CACNA2D1: variants seen among roughly 807,000 people sequenced by gnomAD.
CACNA2D1 encodes the protein voltage-dependent calcium channel subunit alpha-2/delta-1.
CACNA2D1 carries 53 observed loss-of-function variants against 171.5 expected under a neutral mutation model. That is an observed-to-expected ratio of 0.31 (90% CI 0.25 to 0.39). CACNA2D1 has a LOEUF of 0.39. Ranked by LOEUF, CACNA2D1 falls within the 10% of genes least tolerant of loss-of-function variation. The probability of loss-of-function intolerance (pLI) is 1.00; values close to 1 mark genes in which losing one functional copy is unlikely to be tolerated. For missense variants in CACNA2D1, 903 were observed against 1,299.8 expected, an observed-to-expected ratio of 0.69 and a Z score of 4.69; for synonymous variants, 442 against 443.1, an observed-to-expected ratio of 1.00 and a Z score of 0.03.
intron 1 of CACNA2D1, 133 bp from the exon 2 acceptor site, chr7:82,349,782 C>A: frequency 2.7e-6 from 2 of 744,312 alleles, no homozygotes; most frequent in Non-Finnish European, 4.7e-6. Context: ...CTAGCACCGA[C>A]TATGTCCACC....
chr7:82,267,647 C>T (rs919791366), intron 3 of CACNA2D1, among the ~76,000 whole-genome samples: 2 of 152,108 alleles, frequency 1.3e-5, no homozygotes, highest in Non-Finnish European at 2.9e-5. Context: ...TTTACAACAG[C>T]AAACATGATT....
At chr7:82,193,716 AG>A (rs1458721600) in intron 3 of CACNA2D1, among the ~76,000 whole-genome samples, 3 of 152,018 alleles carry the variant, frequency 2.0e-5, no homozygotes, top group Non-Finnish European at 4.4e-5. Flanking sequence ...AGCGAAATTC[AG>A]TATTTGAAGA....
chr7:82,186,976 T>C (rs1034309964), intron 3 of CACNA2D1, among the ~76,000 whole-genome samples: 1 of 152,166 alleles, frequency 6.6e-6, no homozygotes. Context: ...ACCATAAGAC[T>C]CATTAGTATT....
chr7:82,060,213 T>C (rs1361777777), intron 10 of CACNA2D1, among the ~76,000 whole-genome samples: 1 of 37,564 alleles, frequency 2.7e-5, no homozygotes, highest in Non-Finnish European at 6.2e-5. Flanking sequence ...ATATATATAA[T>C]ATATATATAA....
chr7:82,288,947 A>G (rs1470215884), intron 3 of CACNA2D1, among the ~76,000 whole-genome samples: 3 of 152,168 alleles, frequency 2.0e-5, no homozygotes, highest in Non-Finnish European at 2.9e-5. Flanking sequence ...GCTGTAATGA[A>G]CGCAGCCCAT....
intron 1 of CACNA2D1, among the ~76,000 whole-genome samples, chr7:82,419,109 CA>C (rs370697144): frequency 0.018 from 1,760 of 98,060 alleles, 13 homozygotes; most frequent in African/African-American, 0.049. Context: ...GACTCCATCT[CA>C]AAAAAAAAAA....
At chr7:82,347,476 T>C (rs745712803) in intron 2 of CACNA2D1, among the ~76,000 whole-genome samples, 10 of 152,148 alleles carry the variant, frequency 6.6e-5, no homozygotes, top group Non-Finnish European at 1.3e-4. Flanking sequence ...ATTTCTACAA[T>C]AATAAATTTC....
rs5885264 is a variant in CACNA2D1, at chr7:82,035,345, C to CAA, written c.1039-2446_1039-2445dup. 1.6e-3 allele frequency among the ~76,000 whole-genome samples: 232 copies of CAA among 146,290 alleles called. 1 individual carries two copies. Among genetic ancestry groups the CAA allele is most frequent in the Admixed American group, 2.4e-3 (35 of 14,682 alleles). On this transcript the variant is annotated intron_variant, in intron 11 of 38. Transcript: ENST00000356860. The stretch of plus-strand genomic sequence containing the variant: ...ATCTTAAAGGTAAATGCTGCGAGGA[C>CAA]AAAAAAAAAACCAGAATGGCATTTG...
chr7:82,301,085 T>A (rs1812939717), intron 3 of CACNA2D1, among the ~76,000 whole-genome samples: 1 of 152,204 alleles, frequency 6.6e-6, no homozygotes, highest in Non-Finnish European at 1.5e-5. Flanking sequence ...AGAATGTGAA[T>A]GACTAAAGAA....
intron 2 of CACNA2D1, among the ~76,000 whole-genome samples, chr7:82,341,676 T>G (rs1818649952): frequency 6.6e-6 from 1 of 152,176 alleles, no homozygotes; most frequent in African/African-American, 2.4e-5. Flanking sequence ...TAAAATGTAT[T>G]AATTCAACTT....
At chr7:82,332,560 A>AAGAAAG (rs1359969788) in intron 3 of CACNA2D1, among the ~76,000 whole-genome samples, 2 of 144,470 alleles carry the variant, frequency 1.4e-5, no homozygotes, top group East Asian at 3.9e-4. Context: ...GAAAGAAAGA[A>AAGAAAG]AGAAAGAACG....
intron 5 of CACNA2D1, among the ~76,000 whole-genome samples, chr7:82,122,406 T>C (rs1789845130): frequency 6.6e-6 from 1 of 152,184 alleles, no homozygotes; most frequent in Non-Finnish European, 1.5e-5. Flanking sequence ...ATAAAACTGA[T>C]GTAATTTTAG....
At chr7:82,097,168 G>A (rs968427489) in intron 6 of CACNA2D1, among the ~76,000 whole-genome samples, 1 of 152,144 alleles carries the variant, frequency 6.6e-6, no homozygotes, top group African/African-American at 2.4e-5. Flanking sequence ...AGGGCATTCT[G>A]GGAGTTGAAC....
intron 6 of CACNA2D1, among the ~76,000 whole-genome samples, chr7:82,085,911 G>C (rs1365379082): frequency 6.6e-6 from 1 of 152,076 alleles, no homozygotes; most frequent in Non-Finnish European, 1.5e-5. Context: ...ATTTATAACT[G>C]ACCCTTCATG....
intron 7 of CACNA2D1, among the ~76,000 whole-genome samples, chr7:82,068,642 C>CCCAGACTGACACAAAATGATTGAAT (rs368951967): frequency 1.3e-5 from 2 of 151,490 alleles, no homozygotes; most frequent in African/African-American, 4.8e-5. Context: ...TCTGATTGAA[C>CCCAGACTGACACAAAATGATTGAAT]CCAGACTGAC....
chr7:82,003,672 T>C (rs943770935), intron 18 of CACNA2D1, among the ~76,000 whole-genome samples: 1 of 150,874 alleles, frequency 6.6e-6, no homozygotes, highest in African/African-American at 2.4e-5. Flanking sequence ...ATGATATATG[T>C]TAGTTCCTTT....
chr7:82,070,805 C>T (rs1808232814), intron 7 of CACNA2D1, among the ~76,000 whole-genome samples: 2 of 152,124 alleles, frequency 1.3e-5, no homozygotes, highest in African/African-American at 4.8e-5. Flanking sequence ...CAGCTAGCAA[C>T]CTTGGTCACA....
At chr7:82,223,195 C>T (rs887383143) in intron 3 of CACNA2D1, among the ~76,000 whole-genome samples, 3 of 152,148 alleles carry the variant, frequency 2.0e-5, no homozygotes, top group East Asian at 3.9e-4. Flanking sequence ...CCTGAGCCAC[C>T]GCGCTCAGCC....
intron 5 of CACNA2D1, among the ~76,000 whole-genome samples, chr7:82,129,550 T>C (rs985880365): frequency 1.3e-5 from 2 of 152,234 alleles, no homozygotes; most frequent in African/African-American, 4.8e-5. Context: ...TTGAGAATTT[T>C]GTTTCAGTGG....
Sources: allele counts gnomAD v4.1 joint callset (sites outside exome capture counted in the v4.1 genomes callset), GRCh38; gene constraint gnomAD v4.1.1; transcripts MANE v1.5; gene names NCBI Gene and HGNC (gene_info 2026-07-23, HGNC 2026-07-21).